The following PDZD8 variants were observed in gnomAD, a reference collection of about 807,000 sequenced individuals.
PDZD8 encodes PDZ domain containing 8.
A neutral mutation model predicts 85.8 loss-of-function variants in PDZD8; 14 were observed. The observed-to-expected ratio is 0.16, with a 90% CI of 0.11 to 0.26. The LOEUF (loss-of-function observed/expected upper bound fraction) is 0.26. PDZD8 is among the 10% of genes least tolerant of loss of function. The pLI, the probability that PDZD8 is intolerant of heterozygous loss-of-function variation, is 1.00. For missense variants in PDZD8, 1,197 were observed against 1,424.3 expected, an observed-to-expected ratio of 0.84 and a Z score of 2.57; for synonymous variants, 592 against 568.6, an observed-to-expected ratio of 1.04 and a Z score of -0.59.
chr10:117,330,251 T>C lies in PDZD8; in HGVS notation c.995+10729A>G, dbSNP rs576768765. ...TGCAGAACTCAATTTTCCTCAATTT[T>C]CACGACTTCCAAATCTAATCTTCAG... On this transcript the variant is annotated intron_variant, in intron 2 of 4. Transcript: ENST00000334464. Among the ~76,000 whole-genome samples the C allele has an allele frequency of 1.4e-3, 213 of 152,166 alleles. 1 individual carries two copies. Among genetic ancestry groups the C allele is most frequent in the Middle Eastern group, 0.01 (3 of 294 alleles).
chr10:117,314,738 C>T (rs1844094360), intron 3 of PDZD8, among the ~76,000 whole-genome samples: 1 of 152,162 alleles, frequency 6.6e-6, no homozygotes, highest in East Asian at 1.9e-4. Flanking sequence ...GCAAAAGCTT[C>T]TTTTATAATT....
At chr10:117,317,542 A>G (rs527952852) in intron 3 of PDZD8, among the ~76,000 whole-genome samples, 1 of 152,344 alleles carries the variant, frequency 6.6e-6, no homozygotes, top group South Asian at 2.1e-4. Context: ...TTTTTGCTAT[A>G]AAATATTAGA....
At chr10:117,298,583 T>C (rs1843794148) in intron 3 of PDZD8, among the ~76,000 whole-genome samples, 1 of 152,154 alleles carries the variant, frequency 6.6e-6, no homozygotes, top group Non-Finnish European at 1.5e-5. Context: ...CTATATTTCT[T>C]ATTTATCAAC....
In PDZD8 at chr10:117,284,161, T is replaced by C; in HGVS notation, c.2572A>G (p.Lys858Glu). 6.2e-7 allele frequency: 1 copy of C among 1,614,180 alleles called. No homozygotes were observed. The highest frequency in any genetic ancestry group is 1.1e-5 in the South Asian group (1 of 91,084). ...GCTGCTTTAGTCCAAACTTTTTTCT[T>C]ACAGTAGTCACACCATGTTGGGTTC... ...FQNPTWCDYC[K>E]KKVWTKAASQ... is the part of the protein sequence containing the mutation. Residue 858 changes from lysine (K) to glutamate (E), a missense_variant, in exon 5 of 5, where the codon AAG becomes GAG. Transcript: ENST00000334464.
intron 1 of PDZD8, among the ~76,000 whole-genome samples, chr10:117,364,875 T>C (rs1226337578): frequency 6.6e-6 from 1 of 151,338 alleles, no homozygotes; most frequent in Non-Finnish European, 1.5e-5. Context: ...TATTATAGTC[T>C]CATTTTACTA....
intron 2 of PDZD8, among the ~76,000 whole-genome samples, chr10:117,331,793 G>A (rs1844425046): frequency 6.6e-6 from 1 of 152,172 alleles, no homozygotes; most frequent in African/African-American, 2.4e-5. Context: ...GTATGAAACA[G>A]TAGTGGAGGT....
At chr10:117,371,304 C>T (rs1845186466) in intron 1 of PDZD8, among the ~76,000 whole-genome samples, 1 of 152,160 alleles carries the variant, frequency 6.6e-6, no homozygotes, top group South Asian at 2.1e-4. Flanking sequence ...CCTGCCTCAG[C>T]CTCCAGAGTA....
At chr10:117,369,104 G>A (rs1392270267) in intron 1 of PDZD8, among the ~76,000 whole-genome samples, 1 of 151,740 alleles carries the variant, frequency 6.6e-6, no homozygotes, top group African/African-American at 2.4e-5. Context: ...AAAGTGCTGA[G>A]ATTACAGGCA....
rs983796846 is a variant in PDZD8, at chr10:117,318,907, C to T, written c.1063G>A (p.Val355Ile). 6.2e-7 allele frequency: 1 copy of T among 1,611,540 alleles called. No individual in the cohort carries two copies. The highest frequency in any genetic ancestry group is 8.5e-7 in the Non-Finnish European group (1 of 1,178,336). The change falls in exon 3 of 5, where the codon GTT (valine) becomes ATT (isoleucine). Residue 355 changes from valine (V) to isoleucine (I), a missense_variant. Val to Ile is a conservative substitution (Grantham distance 29, BLOSUM62 3). Transcript: ENST00000334464. ...VHCTLELSSS[V>I]WEEKQRSSIK... is the part of the protein sequence containing the mutation. ...GAACTCCTCTGTTTTTCTTCCCAAA[C>T]ACTACTGCTTAACTCAAGTGTGCAA...
chr10:117,349,148 A>G (rs938428476), intron 1 of PDZD8, among the ~76,000 whole-genome samples: 1 of 152,238 alleles, frequency 6.6e-6, no homozygotes, highest in Non-Finnish European at 1.5e-5. Flanking sequence ...ATCTAAGTCA[A>G]GAGGGCAACG....
chr10:117,334,749 A>G (rs1348275214), intron 2 of PDZD8, among the ~76,000 whole-genome samples: 1 of 152,208 alleles, frequency 6.6e-6, no homozygotes, highest in African/African-American at 2.4e-5. Context: ...AAAATTCACT[A>G]GATGAGCTCA....
At position 117,279,272 on chromosome 10, in the gene PDZD8, T is replaced by C. The variant is rs895895472; in HGVS notation, c.*3996A>G. ...CCAGAACAAAGAACATACAGCTCTC[T>C]GAACATTTATTTTTTGAACAGAGGT... On this transcript the variant is annotated 3_prime_UTR_variant, in exon 5 of 5. Transcript: ENST00000334464. The C allele has an allele frequency of 6.6e-6, 1 of 152,238 alleles. No individual in the cohort carries two copies. The highest frequency in any genetic ancestry group is 2.4e-5 in the African/African-American group (1 of 41,460). The allele number at this position is 152,238 out of a possible 1,614,324, so 9.4% of individuals were successfully genotyped here. A position where few individuals can be genotyped will look rare whatever the true frequency, so the allele number is the denominator to read the frequency against.
chr10:117,350,246 T>G (rs1844780159), intron 1 of PDZD8, among the ~76,000 whole-genome samples: 1 of 129,768 alleles, frequency 7.7e-6, no homozygotes, highest in South Asian at 2.4e-4. Flanking sequence ...CTCCAGAATC[T>G]GTTTTTTTTG....
chr10:117,353,848 T>C (rs1317366067), intron 1 of PDZD8, among the ~76,000 whole-genome samples: 1 of 152,216 alleles, frequency 6.6e-6, no homozygotes, highest in Non-Finnish European at 1.5e-5. Context: ...AAAATTGTTC[T>C]GTATACTAAA....
At chr10:117,344,779 G>A (rs910375871) in intron 1 of PDZD8, among the ~76,000 whole-genome samples, 1 of 152,162 alleles carries the variant, frequency 6.6e-6, no homozygotes, top group Non-Finnish European at 1.5e-5. Context: ...GAGGAGGATA[G>A]GAACATTTCT....
At chr10:117,337,643 T>G (rs1372194315) in intron 2 of PDZD8, among the ~76,000 whole-genome samples, 1 of 152,108 alleles carries the variant, frequency 6.6e-6, no homozygotes, top group African/African-American at 2.4e-5. Flanking sequence ...AGAAAAAACA[T>G]GCCGTTTTTT....
At chr10:117,288,950 A>C (rs979733515) in intron 4 of PDZD8, among the ~76,000 whole-genome samples, 8 of 152,232 alleles carry the variant, frequency 5.3e-5, no homozygotes, top group African/African-American at 1.9e-4. Flanking sequence ...CACAACCCCC[A>C]AAAAAGACCG....
intron 3 of PDZD8, among the ~76,000 whole-genome samples, chr10:117,310,513 T>C (rs1373481773): frequency 1.3e-5 from 2 of 152,254 alleles, no homozygotes; most frequent in African/African-American, 2.4e-5. Flanking sequence ...CTTAGAATCA[T>C]AGTAAACATA....
At chr10:117,314,547 G>A (rs143845295) in intron 3 of PDZD8, among the ~76,000 whole-genome samples, 19 of 152,132 alleles carry the variant, frequency 1.2e-4, no homozygotes, top group African/African-American at 4.3e-4. Context: ...TGCTTTTCAG[G>A]GATGCATCAC....
Sources: allele counts gnomAD v4.1 joint callset (sites outside exome capture counted in the v4.1 genomes callset), GRCh38; gene constraint gnomAD v4.1.1; transcripts MANE v1.5; gene names NCBI Gene and HGNC (gene_info 2026-07-23, HGNC 2026-07-21).